PSG7: variants seen among roughly 807,000 people sequenced by gnomAD.
PSG7 encodes the protein pregnancy-specific beta-1-glycoprotein 7.
In PSG7, 57 loss-of-function variants were observed where a neutral mutation model predicts 45.6. The observed-to-expected ratio is 1.25, with a 90% confidence interval of 1.01 to 1.56. PSG7 has a LOEUF of 1.56. Among genes scored for constraint, PSG7 ranks in the 40% most tolerant of loss-of-function variants. The pLI is 0.00. For missense variants in PSG7, 796 were observed against 508.4 expected (o/e 1.57, Z -5.44); for synonymous variants, 298 against 194.4 (o/e 1.53, Z -4.43).
At position 42,929,589 on chromosome 19, in the gene PSG7, G is replaced by T. The variant is rs1972971306; in HGVS notation, c.562C>A (p.Pro188Thr). 6.2e-7 allele frequency: 1 copy of T among 1,612,490 alleles called. No homozygotes were observed. The highest frequency in any genetic ancestry group is 1.1e-5 in the South Asian group (1 of 90,848). ...GACAGCTGCAAGCTGTGAGTCATAG[G>T]GAGGCTCTGACCATTCATCCACCAC... ...YLWWMNGQSLPMTHSLQLSET... is the reference protein window; with the variant it reads ...YLWWMNGQSLTMTHSLQLSET... Residue 188 changes from proline to threonine, a missense_variant, in exon 3 of 6, where the codon CCT becomes ACT. Physicochemically the swap from Pro to Thr is conservative, Grantham distance 38. Coordinates refer to ENST00000406070, the MANE Select transcript of PSG7 (RefSeq NM_002783.3).
At chr19:42,929,889 A>G (rs574692626) in intron 2 of PSG7, among the ~76,000 whole-genome samples, 169 bp from the exon 3 acceptor site, 1 of 151,454 alleles carries the variant, frequency 6.6e-6, no homozygotes, top group South Asian at 2.1e-4. Flanking sequence ...GAGGGCTCAG[A>G]GATTGTGAGG....
Position 42,935,779 on chromosome 19 carries a change from G to T in PSG7, c.65-10C>A. 6.2e-7 allele frequency: 1 copy of T among 1,604,462 alleles called. No individual in the cohort carries two copies. Among genetic ancestry groups the T allele is most frequent in the African/African-American group, 1.3e-5 (1 of 74,150 alleles). ...AAGTTTAAAAGTGATGCTAGGAGGT[G>T]GAGAGAGCATCAGTCAATATTGAGA... is the stretch of plus-strand genomic sequence containing the variant. On this transcript the variant is annotated splice_polypyrimidine_tract_variant and intron_variant, in intron 1 of 5. Coordinates refer to ENST00000406070, the MANE Select transcript of PSG7 (RefSeq NM_002783.3).
chr19:42,937,126 A>G lies in PSG7; in HGVS notation c.-50T>C, dbSNP rs112960175. The G allele has an allele frequency of 4.6e-3, 7,362 of 1,594,582 alleles. 424 individuals are homozygous for G. In the African/African-American group the frequency reaches 0.085, roughly 18 times the overall value. On this transcript the variant is annotated 5_prime_UTR_variant, in exon 1 of 6. Transcript: ENST00000406070. ...CTCTGTGGAGATGAGCCTAGGATCC[A>G]GAATCTTCCTGAGCACGGCTGTCAG...
chr19:42,933,966 C>A (rs1973091854), intron 2 of PSG7, among the ~76,000 whole-genome samples: 1 of 151,506 alleles, frequency 6.6e-6, no homozygotes, highest in South Asian at 2.1e-4. Context: ...TCCTGGGATT[C>A]TGCATCCAAG....
intron 5 of PSG7, chr19:42,925,564 C>G (rs1972863051): frequency 1.6e-6 from 2 of 1,278,434 alleles, no homozygotes; most frequent in Non-Finnish European, 2.1e-6. Context: ...CCTGCTTGGT[C>G]TAGGCTGGGA....
chr19:42,931,282 G>T (rs1436308862), intron 2 of PSG7, among the ~76,000 whole-genome samples: 1 of 151,564 alleles, frequency 6.6e-6, no homozygotes, highest in Non-Finnish European at 1.5e-5. Context: ...ACGAAAATGA[G>T]GTTTAGGTGT....
At chr19:42,934,087 G>T (rs961004083) in intron 2 of PSG7, among the ~76,000 whole-genome samples, 1 of 151,492 alleles carries the variant, frequency 6.6e-6, no homozygotes, top group African/African-American at 2.4e-5. Context: ...CTGGTGCAGG[G>T]TGTGAGTGGG....
Position 42,935,337 on chromosome 19 carries a change from T to C in PSG7, c.430+67A>G, listed in dbSNP as rs1973122791. 5.1e-6 allele frequency: 8 copies of C among 1,563,356 alleles called. No homozygotes were observed. The African/African-American group carries it at 5.5e-5, about 11-fold the overall frequency. On this transcript the variant is annotated intron_variant, in intron 2 of 5. Coordinates refer to ENST00000406070, the MANE Select transcript of PSG7 (RefSeq NM_002783.3). ...CACAGGCACAGTCCAGGCCTGACAA[T>C]TCTGTGTGTGTGAAGTAGAAATGAC...
rs568941446 is a variant in PSG7, at chr19:42,934,315, C to A, written c.430+1089G>T. ...TCTCACTCCTCTGAGGTTTGGATGC[C>A]TAAGAAGAGAGGATTTGAGCCAATA... On this transcript the variant is annotated intron_variant, in intron 2 of 5. Coordinates refer to ENST00000406070, the MANE Select transcript of PSG7 (RefSeq NM_002783.3). Among the ~76,000 whole-genome samples, 179 of 151,380 alleles carry A rather than the reference C, an allele frequency of 1.2e-3. 5 individuals are homozygous for A. Among genetic ancestry groups the A allele is most frequent in the Non-Finnish European group, 2.3e-3 (153 of 67,818 alleles).
At position 42,925,923 on chromosome 19, in the gene PSG7, A is replaced by C. The variant is rs373181304; in HGVS notation, c.1093T>G (p.Ser365Ala). The part of the protein sequence containing the change: ...FADSNPPAQY[S>A]WTINGKFQLS... ...TGAAACTTCCCATTAATTGTCCAAG[A>C]ATACTGTGCCGGTGGGTTAGAGTCC... The change falls in exon 5 of 6, where the codon TCT becomes GCT. Residue 365 changes from serine (S) to alanine (A), a missense_variant. Transcript: ENST00000406070. 3.1e-6 allele frequency: 5 copies of C among 1,612,154 alleles called. No individual in the cohort carries two copies. In the African/African-American group the frequency reaches 6.7e-5, roughly 22 times the overall value.
chr19:42,926,143 A>T (rs1351779053), intron 4 of PSG7, 116 bp from the exon 5 acceptor site: 5 of 1,493,616 alleles, frequency 3.3e-6, no homozygotes, highest in Non-Finnish European at 4.5e-6. Context: ...AGTGACAGCC[A>T]AATCCCCTCT....
intron 2 of PSG7, among the ~76,000 whole-genome samples, chr19:42,930,223 G>A (rs1408774285): frequency 6.6e-6 from 1 of 151,630 alleles, no homozygotes; most frequent in Non-Finnish European, 1.5e-5. Flanking sequence ...CTGGGACTGG[G>A]TACTTCAGCA....
Position 42,931,274 on chromosome 19 carries a change from G to A in PSG7, c.431-1554C>T, listed in dbSNP as rs184279586. ...CTGGTAGTAGTATTTCTCTTGAGAC[G>A]AAAATGAGGTTTAGGTGTGCCGTGA... On this transcript the variant is annotated intron_variant, in intron 2 of 5. Transcript: ENST00000406070. 4.0e-3 allele frequency among the ~76,000 whole-genome samples: 610 copies of A among 151,656 alleles called. 14 individuals carry two copies. Among genetic ancestry groups the A allele is most frequent in the African/African-American group, 0.014 (578 of 41,296 alleles).
rs1389953160 is a variant in PSG7 at position 42,935,676 on chromosome 19, A to T, written c.158T>A (p.Leu53Gln). Residue 53 changes from leucine (L) to glutamine (Q), a missense_variant, in exon 2 of 6, where the codon CTA becomes CAA. Physicochemically the swap from Leu to Gln is moderately radical, Grantham distance 113. Transcript: ENST00000406070. ...PKVSEGKDVLLLVHNLPQNLT... is the reference protein window; with the variant it reads ...PKVSEGKDVLQLVHNLPQNLT... Reference sequence around the variant, plus strand: ...ATTCTGGGGCAAATTGTGGACAAGTAGAAGAACATCCTTCCCCTCGGAAAC... The same window carrying T: ...ATTCTGGGGCAAATTGTGGACAAGTTGAAGAACATCCTTCCCCTCGGAAAC... The T allele has an allele frequency of 1.1e-5, 18 of 1,612,072 alleles. 1 individual carries two copies. Among genetic ancestry groups the T allele is most frequent in the Non-Finnish European group, 1.5e-5 (18 of 1,179,132 alleles).
chr19:42,926,074 G>A, intron 4 of PSG7, 47 bp from the exon 5 acceptor site: 1 of 1,599,688 alleles, frequency 6.3e-7, no homozygotes, highest in Non-Finnish European at 8.5e-7. Flanking sequence ...CCGAGGGAAG[G>A]GGATGCTCCT....
rs567883493 is a variant in PSG7 at position 42,934,688 on chromosome 19, T to A, written c.430+716A>T. ...AGATCCCTGTGGACAAGCTGCTACCTGGTACATCTTCTCTCTTCTGTTTCT... is the reference window on the plus strand; with the variant it reads ...AGATCCCTGTGGACAAGCTGCTACCAGGTACATCTTCTCTCTTCTGTTTCT... On this transcript the variant is annotated intron_variant, in intron 2 of 5. Coordinates refer to ENST00000406070, the MANE Select transcript of PSG7 (RefSeq NM_002783.3). 4.0e-5 allele frequency among the ~76,000 whole-genome samples: 6 copies of A among 151,792 alleles called. No individual in the cohort carries two copies. In the South Asian group the frequency reaches 6.3e-4, roughly 16 times the overall value.
chr19:42,932,175 C>T (rs1002066676), intron 2 of PSG7, among the ~76,000 whole-genome samples: 5 of 151,356 alleles, frequency 3.3e-5, no homozygotes, highest in Non-Finnish European at 5.9e-5. Context: ...AGGTGCCCAC[C>T]ACCACGTCCC....
Position 42,925,875 on chromosome 19 carries a change from T to G in PSG7, c.1141A>C (p.Ile381Leu). The G allele has an allele frequency of 6.2e-7, 1 of 1,612,056 alleles. No individual in the cohort carries two copies. The part of the protein sequence containing the change: ...KFQLSGQKLS[I>L]PQITTKHSGL... The stretch of plus-strand genomic sequence containing the variant: ...CTATGCTTTGTAGTAATCTGGGGGA[T>G]AGAAAGCTTTTGTCCTGATAGCTGA... Residue 381 changes from isoleucine (I) to leucine (L), a missense_variant, in exon 5 of 6, where the codon ATC becomes CTC. Physicochemically the swap from Ile to Leu is conservative, Grantham distance 5 (BLOSUM62 2). Coordinates refer to ENST00000406070, the MANE Select transcript of PSG7 (RefSeq NM_002783.3).
At chr19:42,926,276 C>T (rs2122672514) in intron 4 of PSG7, 162 bp downstream of exon 4, 2 of 1,458,534 alleles carry the variant, frequency 1.4e-6, no homozygotes, top group Admixed American at 2.4e-5. Context: ...TGTGCCTACC[C>T]AGGTTTTCCC....
Sources: gnomAD v4.1 joint callset for allele counts (sites outside exome capture counted in the v4.1 genomes callset) on GRCh38, gnomAD v4.1.1 for gene constraint, MANE v1.5 for transcripts, NCBI Gene and HGNC (gene_info 2026-07-23, HGNC 2026-07-21) for gene names.